The following OPHN1 variants were observed in gnomAD, a reference collection of about 807,000 sequenced individuals.
The protein encoded by OPHN1 is oligophrenin 1, also known as oligophrenin-1.
Under a neutral mutation model 60.7 loss-of-function variants are expected in OPHN1, and 11 were observed. That is an observed-to-expected ratio of 0.18 (90% CI 0.11 to 0.30). The LOEUF (loss-of-function observed/expected upper bound fraction) is 0.30, where lower values mean the gene tolerates loss of function less well. Among genes scored for constraint, OPHN1 ranks in the 10% least tolerant of loss-of-function variants. OPHN1 has a pLI of 1.00. For synonymous variants in OPHN1, 226 were observed against 222.6 expected, an observed-to-expected ratio of 1.02 and a Z score of -0.14; for missense variants, 449 against 611.0, an observed-to-expected ratio of 0.73 and a Z score of 2.80.
At chrX:68,102,078 C>T (rs6624341) in intron 18 of OPHN1, 51,810 of 111,051 alleles carry the variant, frequency 0.47, 10,408 homozygotes, top group South Asian at 0.69. Context: ...TGGGCAGGGG[C>T]CATGCTAATC....
intron 15 of OPHN1, among the ~76,000 whole-genome samples, chrX:68,157,397 C>G (rs1030768389): frequency 8.9e-6 from 1 of 112,008 alleles, no homozygotes; most frequent in African/African-American, 3.2e-5. Flanking sequence ...ACTATGCAGC[C>G]ATAAAAAGAA....
At chrX:68,070,387 G>A in intron 20 of OPHN1, 1 of 490,347 alleles carries the variant, frequency 2.0e-6, no homozygotes, top group Non-Finnish European at 3.7e-6. Flanking sequence ...ACTGTTTAAG[G>A]GTTCCTGGCA....
intron 19 of OPHN1, among the ~76,000 whole-genome samples, chrX:68,085,572 T>C (rs921309507): frequency 8.9e-6 from 1 of 111,851 alleles, no homozygotes; most frequent in Non-Finnish European, 1.9e-5. Context: ...AGGGGTGACA[T>C]TGGTACCTTA....
chrX:68,264,047 A>G (rs1049655550), intron 5 of OPHN1, among the ~76,000 whole-genome samples: 2 of 111,356 alleles, frequency 1.8e-5, no homozygotes, highest in African/African-American at 6.5e-5. Context: ...AAAACTGGCT[A>G]CCCATATGTA....
At chrX:68,185,031 T>A (rs1481859669) in intron 15 of OPHN1, among the ~76,000 whole-genome samples, 1 of 112,672 alleles carries the variant, frequency 8.9e-6, no homozygotes, top group Non-Finnish European at 1.9e-5. Context: ...CCCATTATCA[T>A]CTACACAGTT....
At chrX:68,397,460 CTTT>C (rs767285762) in intron 2 of OPHN1, among the ~76,000 whole-genome samples, 6 of 50,031 alleles carry the variant, frequency 1.2e-4, no homozygotes, top group Admixed American at 2.4e-4. Flanking sequence ...CTTTTATGTT[CTTT>C]TTTTTTTTTT....
chrX:68,068,736 ATAT>A (rs1312201084), intron 20 of OPHN1, among the ~76,000 whole-genome samples: 1 of 112,107 alleles, frequency 8.9e-6, no homozygotes, highest in Admixed American at 9.5e-5. Flanking sequence ...ATACAAAGGA[ATAT>A]TATTTGTCCA....
intron 19 of OPHN1, among the ~76,000 whole-genome samples, chrX:68,091,943 C>G (rs771444241): frequency 9.0e-6 from 1 of 110,679 alleles, no homozygotes; most frequent in Non-Finnish European, 1.9e-5. Flanking sequence ...TATTATTTAC[C>G]TACTTTCCAA....
chrX:68,416,033 AATATATATATATAT>A (rs1163304135), intron 2 of OPHN1, among the ~76,000 whole-genome samples: 49 of 29,746 alleles, frequency 1.6e-3, no homozygotes, highest in African/African-American at 3.9e-3. Flanking sequence ...AAAATTATAT[AATATATATATATAT>A]ATATATATAT....
chrX:68,167,312 T>G (rs1031222690), intron 15 of OPHN1, among the ~76,000 whole-genome samples: 1 of 111,656 alleles, frequency 9.0e-6, no homozygotes, highest in Non-Finnish European at 1.9e-5. Context: ...TCTTATCTCA[T>G]TAAAATGGCT....
intron 2 of OPHN1, among the ~76,000 whole-genome samples, chrX:68,389,584 T>C (rs1488818858): frequency 6.1e-5 from 5 of 81,481 alleles, no homozygotes; most frequent in Non-Finnish European, 2.5e-5. Flanking sequence ...AATAAATAAA[T>C]AAATAAATAA....
intron 2 of OPHN1, among the ~76,000 whole-genome samples, chrX:68,335,872 A>G (rs754085558): frequency 9.0e-6 from 1 of 111,673 alleles, no homozygotes; most frequent in East Asian, 2.8e-4. Context: ...GGAGGCTGCA[A>G]TGAGCAGAGA....
chrX:68,393,426 G>A (rs975054216), intron 2 of OPHN1, among the ~76,000 whole-genome samples: 2 of 111,302 alleles, frequency 1.8e-5, no homozygotes, highest in African/African-American at 6.5e-5. Flanking sequence ...AAGTAGCTGG[G>A]ACCACAGGCA....
intron 2 of OPHN1, among the ~76,000 whole-genome samples, chrX:68,425,158 G>A (rs1451513974): frequency 1.9e-4 from 21 of 111,426 alleles, no homozygotes; most frequent in Non-Finnish European, 3.6e-4. Flanking sequence ...GGGTCCCTCA[G>A]TATAGAGCTA....
intron 2 of OPHN1, among the ~76,000 whole-genome samples, chrX:68,377,573 C>G (rs748146512): frequency 9.3e-6 from 1 of 107,482 alleles, no homozygotes; most frequent in South Asian, 4.3e-4. Context: ...TAATGCTATC[C>G]CTCCTCCTCC....
rs1206201863 is a variant in OPHN1 at position 68,192,756 on chromosome X, T to C, written c.1276+163A>G. 5 of 461,661 alleles carry C rather than the reference T, an allele frequency of 1.1e-5. No individual in the cohort carries two copies. The South Asian group carries it at 1.3e-4, about 12-fold the overall frequency. The allele number at this position is 461,661 out of a possible 1,213,427, so 38.0% of individuals were successfully genotyped here. On this transcript the variant is annotated intron_variant, in intron 15 of 24. Transcript: ENST00000355520. ...GATAACAGCCATTTTCAAGGTACGATTGACTCTGCCCAGGGTGGGCAAGTA... is the reference window on the plus strand; with the variant it reads ...GATAACAGCCATTTTCAAGGTACGACTGACTCTGCCCAGGGTGGGCAAGTA...
chrX:68,368,586 A>G (rs1229897054), intron 2 of OPHN1, among the ~76,000 whole-genome samples: 1 of 110,637 alleles, frequency 9.0e-6, no homozygotes, highest in South Asian at 3.9e-4. Context: ...AGAAAGCCAC[A>G]TGCATGCCCC....
intron 18 of OPHN1, among the ~76,000 whole-genome samples, chrX:68,108,860 C>T (rs143672125): frequency 2.5e-3 from 282 of 111,511 alleles, no homozygotes; most frequent in African/African-American, 8.8e-3. Flanking sequence ...ATATGTAAAA[C>T]ATTAATATGG....
intron 15 of OPHN1, among the ~76,000 whole-genome samples, chrX:68,189,856 C>T (rs889431388): frequency 3.6e-5 from 4 of 109,974 alleles, no homozygotes; most frequent in South Asian, 3.8e-4. Flanking sequence ...CTTTAGTAAA[C>T]GATAGAAGAA....
Sources: allele counts gnomAD v4.1 joint callset (sites outside exome capture counted in the v4.1 genomes callset), GRCh38; gene constraint gnomAD v4.1.1; transcripts MANE v1.5; gene names NCBI Gene and HGNC (gene_info 2026-07-23, HGNC 2026-07-21).